IGFBP7: variants seen among roughly 807,000 people sequenced by gnomAD.
The protein encoded by IGFBP7 is insulin-like growth factor-binding protein 7.
Under a neutral mutation model 29.4 loss-of-function variants are expected in IGFBP7, and 31 were observed. The observed-to-expected ratio is 1.05, with a 90% CI of 0.79 to 1.42. The LOEUF is 1.42. Among genes scored for constraint, IGFBP7 ranks in the 40% most tolerant of loss-of-function variants. The pLI, the probability that IGFBP7 is intolerant of heterozygous loss-of-function variation, is 0.00. For synonymous variants in IGFBP7, 172 were observed against 174.9 expected (o/e 0.98, Z 0.13); for missense variants, 393 against 395.5 (o/e 0.99, Z 0.05).
Position 57,032,419 on chromosome 4 carries a change from TG to T in IGFBP7, c.829+6del, listed in dbSNP as rs2109733388. The stretch of plus-strand genomic sequence containing the variant: ...ATTTTTAAATGGCTGTGAGATTTAT[TG>T]TGTACCTTTTTTCACTGGTATTTCA... On this transcript the variant is annotated splice_donor_region_variant and intron_variant, in intron 4 of 4. Coordinates refer to ENST00000295666, the MANE Select transcript of IGFBP7 (RefSeq NM_001553.3). 1.9e-6 allele frequency: 3 copies of T among 1,613,766 alleles called. No individual in the cohort carries two copies. Among genetic ancestry groups the T allele is most frequent in the Non-Finnish European group, 2.5e-6 (3 of 1,179,726 alleles).
chr4:57,046,428 G>A (rs927224123), intron 1 of IGFBP7, among the ~76,000 whole-genome samples: 2 of 152,074 alleles, frequency 1.3e-5, no homozygotes, highest in Non-Finnish European at 1.5e-5. Flanking sequence ...AAGGCAGATC[G>A]AGAATTTATT....
chr4:57,090,398 T>A (rs1270773770), intron 1 of IGFBP7, among the ~76,000 whole-genome samples: 1 of 152,242 alleles, frequency 6.6e-6, no homozygotes, highest in African/African-American at 2.4e-5. Context: ...CACAGTCACA[T>A]CTTATTCTGT....
chr4:57,058,955 T>C (rs1287446799), intron 1 of IGFBP7, among the ~76,000 whole-genome samples: 2 of 152,150 alleles, frequency 1.3e-5, no homozygotes, highest in East Asian at 3.8e-4. Flanking sequence ...GACACTTTTC[T>C]AAAGAAGACA....
intron 1 of IGFBP7, among the ~76,000 whole-genome samples, chr4:57,071,970 C>G (rs1725062436): frequency 1.3e-5 from 2 of 151,824 alleles, no homozygotes; most frequent in Admixed American, 1.3e-4. Context: ...ACCCCTATCT[C>G]TTTTTTTAAA....
intron 1 of IGFBP7, among the ~76,000 whole-genome samples, chr4:57,075,233 G>T (rs907104990): frequency 6.6e-6 from 1 of 152,112 alleles, no homozygotes; most frequent in Non-Finnish European, 1.5e-5. Flanking sequence ...CTGGTGTGAG[G>T]TTGCTTAACT....
chr4:57,103,901 G>A (rs1023848242), intron 1 of IGFBP7, among the ~76,000 whole-genome samples: 1 of 151,580 alleles, frequency 6.6e-6, no homozygotes, highest in African/African-American at 2.4e-5. Context: ...ATAATATATT[G>A]TTATTAATTA....
At chr4:57,085,009 G>A (rs537285182) in intron 1 of IGFBP7, among the ~76,000 whole-genome samples, 203 of 151,812 alleles carry the variant, frequency 1.3e-3, no homozygotes, top group Non-Finnish European at 2.2e-3. Context: ...GGCTGGTCTC[G>A]AACTCCTGGG....
intron 1 of IGFBP7, among the ~76,000 whole-genome samples, chr4:57,098,360 C>G (rs1725812217): frequency 6.6e-6 from 1 of 152,124 alleles, no homozygotes; most frequent in Non-Finnish European, 1.5e-5. Context: ...ACAGGCCAGG[C>G]TGAATGGGTG....
chr4:57,109,372 A>T (rs888158588), intron 1 of IGFBP7, among the ~76,000 whole-genome samples: 1 of 152,268 alleles, frequency 6.6e-6, no homozygotes, highest in Non-Finnish European at 1.5e-5. Flanking sequence ...CAGAGGTTGC[A>T]GTGGGCCAAG....
chr4:57,062,167 A>G (rs1473743657), intron 1 of IGFBP7, among the ~76,000 whole-genome samples: 2 of 152,136 alleles, frequency 1.3e-5, no homozygotes. Context: ...TGCTACCGTG[A>G]TACCTGTCTA....
rs149161712 is a variant in IGFBP7 at position 57,032,650 on chromosome 4, C to T, written c.703-98G>A. 6.5e-4 allele frequency: 617 copies of T among 956,534 alleles called. 4 individuals carry two copies. In the African/African-American group the frequency reaches 8.9e-3, roughly 14 times the overall value. The allele number at this position is 956,534 out of a possible 1,614,324, so 59.3% of individuals were successfully genotyped here. On this transcript the variant is annotated intron_variant, in intron 3 of 4. Transcript: ENST00000295666. ...TATTTCATAAATTTCCTAAGATGACCAGGGGATTCATAGCAAAGGTACTGC... is the reference window on the plus strand; with the variant it reads ...TATTTCATAAATTTCCTAAGATGACTAGGGGATTCATAGCAAAGGTACTGC...
intron 1 of IGFBP7, among the ~76,000 whole-genome samples, chr4:57,090,224 T>A (rs1725602942): frequency 6.6e-6 from 1 of 152,224 alleles, no homozygotes; most frequent in South Asian, 2.1e-4. Flanking sequence ...AGGGATTGAT[T>A]CAGAAAACTG....
chr4:57,107,161 A>C (rs954417331), intron 1 of IGFBP7, among the ~76,000 whole-genome samples: 1 of 152,154 alleles, frequency 6.6e-6, no homozygotes, highest in Admixed American at 6.6e-5. Context: ...TACTTTCTTA[A>C]TCAGCAACAT....
chr4:57,107,203 C>T lies in IGFBP7; in HGVS notation c.475+2674G>A, dbSNP rs537434684. On this transcript the variant is annotated intron_variant, in intron 1 of 4. Transcript: ENST00000295666. ...TGTTTTGTACATCCCTGGTATATAG[C>T]ACCTAGTACAGTGCTGACTCAAGTT... 7.2e-5 allele frequency among the ~76,000 whole-genome samples: 11 copies of T among 152,300 alleles called. No individual in the cohort carries two copies. In the East Asian group the frequency reaches 2.1e-3, roughly 29 times the overall value.
chr4:57,051,794 A>G (rs1430381217), intron 1 of IGFBP7, among the ~76,000 whole-genome samples: 2 of 152,228 alleles, frequency 1.3e-5, no homozygotes, highest in Admixed American at 1.3e-4. Flanking sequence ...TAGACCATCA[A>G]AAGGATCAAA....
At chr4:57,047,718 C>T (rs541036186) in intron 1 of IGFBP7, among the ~76,000 whole-genome samples, 1 of 152,288 alleles carries the variant, frequency 6.6e-6, no homozygotes, top group South Asian at 2.1e-4. Context: ...CCACCTAAGT[C>T]TGCATACTCC....
At chr4:57,067,809 A>G (rs888169213) in intron 1 of IGFBP7, among the ~76,000 whole-genome samples, 7 of 152,118 alleles carry the variant, frequency 4.6e-5, no homozygotes, top group African/African-American at 1.7e-4. Context: ...CGAGTATTGT[A>G]TGGTCTCAAA....
chr4:57,105,700 A>G (rs1228075259), intron 1 of IGFBP7, among the ~76,000 whole-genome samples: 2 of 152,208 alleles, frequency 1.3e-5, no homozygotes, highest in Non-Finnish European at 2.9e-5. Flanking sequence ...GTCTGGCTTG[A>G]GAGCTCCTCA....
intron 1 of IGFBP7, among the ~76,000 whole-genome samples, chr4:57,093,092 T>A (rs1725677818): frequency 1.3e-5 from 2 of 152,150 alleles, no homozygotes; most frequent in Admixed American, 1.3e-4. Context: ...ACTGTTAGTG[T>A]TTAATAACAA....
Sources: allele counts gnomAD v4.1 joint callset (sites outside exome capture counted in the v4.1 genomes callset), GRCh38; gene constraint gnomAD v4.1.1; transcripts MANE v1.5; gene names NCBI Gene and HGNC (gene_info 2026-07-23, HGNC 2026-07-21).